Variants in LMNTD1 observed in about 807,000 individuals in gnomAD.
LMNTD1 encodes lamin tail domain containing 1.
A neutral mutation model predicts 50.9 loss-of-function variants in LMNTD1; 35 were observed. The ratio of observed to expected loss-of-function variants is 0.69; its 90% confidence interval spans 0.53 to 0.91. LMNTD1 has a LOEUF of 0.91. Among genes scored for constraint, LMNTD1 ranks in the 40% least tolerant of loss-of-function variants. The probability of loss-of-function intolerance (pLI) is 0.00; values close to 1 mark genes in which losing one functional copy is unlikely to be tolerated. For synonymous variants in LMNTD1, 153 were observed against 161.9 expected, an observed-to-expected ratio of 0.94 and a Z score of 0.42; for missense variants, 470 against 475.5, an observed-to-expected ratio of 0.99 and a Z score of 0.11.
chr12:25,506,508 T>C (rs2135960597), intron 8 of LMNTD1, among the ~76,000 whole-genome samples: 1 of 152,222 alleles, frequency 6.6e-6, no homozygotes, highest in Middle Eastern at 3.4e-3. Context: ...TCATTTAACT[T>C]GAATTACAGA....
At chr12:25,509,903 G>A (rs1940125541) in intron 8 of LMNTD1, among the ~76,000 whole-genome samples, 1 of 152,202 alleles carries the variant, frequency 6.6e-6, no homozygotes, top group South Asian at 2.1e-4. Context: ...TTCAAAGTGA[G>A]CATGGCCTTG....
At chr12:25,627,257 T>C (rs1263496087) in intron 1 of LMNTD1, among the ~76,000 whole-genome samples, 1 of 152,266 alleles carries the variant, frequency 6.6e-6, no homozygotes, top group African/African-American at 2.4e-5. Flanking sequence ...GATGAGCCTC[T>C]GAAAGGCATC....
At chr12:25,558,585 C>T (rs1392510505) in intron 1 of LMNTD1, among the ~76,000 whole-genome samples, 1 of 152,138 alleles carries the variant, frequency 6.6e-6, no homozygotes, top group Non-Finnish European at 1.5e-5. Flanking sequence ...TCTCATGCTG[C>T]TAACAAAGAC....
intron 1 of LMNTD1, among the ~76,000 whole-genome samples, chr12:25,594,614 A>C (rs1945792723): frequency 6.9e-6 from 1 of 144,998 alleles, no homozygotes; most frequent in African/African-American, 2.6e-5. Context: ...GCACATCTTT[A>C]AAGCATAAAT....
upstream of LMNTD1, among the ~76,000 whole-genome samples, chr12:25,556,564 C>A (rs1944051345): frequency 6.6e-6 from 1 of 152,176 alleles, no homozygotes; most frequent in Non-Finnish European, 1.5e-5. Flanking sequence ...GGTCTCAAAT[C>A]ATCTCAAATC....
chr12:25,608,064 A>G (rs1946154842), intron 1 of LMNTD1, among the ~76,000 whole-genome samples: 1 of 152,042 alleles, frequency 6.6e-6, no homozygotes, highest in Non-Finnish European at 1.5e-5. Flanking sequence ...CTTCTTGTTG[A>G]ATTGATCCCT....
chr12:25,576,739 T>C (rs1249911717), intron 1 of LMNTD1, among the ~76,000 whole-genome samples: 1 of 152,256 alleles, frequency 6.6e-6, no homozygotes, highest in African/African-American at 2.4e-5. Context: ...GCCATGCTTT[T>C]GGTGTTTTAG....
At chr12:25,479,063 G>A (rs893725801) in intron 9 of LMNTD1, among the ~76,000 whole-genome samples, 1 of 152,066 alleles carries the variant, frequency 6.6e-6, no homozygotes, top group Non-Finnish European at 1.5e-5. Flanking sequence ...CTCTGTTGTG[G>A]AGTAGTAAAC....
intron 3 of LMNTD1, chr12:25,547,253 A>C: frequency 1.3e-6 from 1 of 776,724 alleles, no homozygotes; most frequent in Non-Finnish European, 1.6e-6. Context: ...GATGAAGTGG[A>C]AAGAACAACG....
At chr12:25,626,217 G>C (rs925484238) in intron 1 of LMNTD1, among the ~76,000 whole-genome samples, 2 of 152,064 alleles carry the variant, frequency 1.3e-5, no homozygotes, top group African/African-American at 4.8e-5. Context: ...ATTTAATGAA[G>C]GAGGTTCCTG....
At chr12:25,521,970 C>T (rs1283247011) in intron 6 of LMNTD1, among the ~76,000 whole-genome samples, 1 of 152,140 alleles carries the variant, frequency 6.6e-6, no homozygotes, top group Non-Finnish European at 1.5e-5. Flanking sequence ...TTCTATTCAA[C>T]ATGAAAAACG....
intron 8 of LMNTD1, among the ~76,000 whole-genome samples, chr12:25,517,983 C>T (rs1331237311): frequency 6.6e-6 from 1 of 152,036 alleles, no homozygotes; most frequent in Non-Finnish European, 1.5e-5. Context: ...GTGGAAATTG[C>T]TACATCCTCC....
intron 1 of LMNTD1, among the ~76,000 whole-genome samples, chr12:25,591,856 A>ACT (rs1945709808): frequency 6.7e-6 from 1 of 149,478 alleles, no homozygotes; most frequent in African/African-American, 2.5e-5. Context: ...AGAGAGAGAG[A>ACT]GACTCTATTT....
intron 9 of LMNTD1, among the ~76,000 whole-genome samples, chr12:25,495,248 A>ATG (rs774259552): frequency 2.2e-5 from 1 of 46,346 alleles, no homozygotes; most frequent in South Asian, 8.0e-4. Context: ...TAAAGTGTGT[A>ATG]CGTGTGTGTG....
At position 25,546,382 on chromosome 12, in the gene LMNTD1, A is replaced by C; in HGVS notation, c.483T>G (p.Phe161Leu). 6.3e-7 allele frequency: 1 copy of C among 1,576,380 alleles called. No homozygotes were observed. Among genetic ancestry groups the C allele is most frequent in the Non-Finnish European group, 8.6e-7 (1 of 1,158,404 alleles). The change falls in exon 4 of 10, where the codon TTT becomes TTG. Residue 161 changes from phenylalanine to leucine, a missense_variant. Phe to Leu is a conservative substitution (Grantham distance 22). Transcript: ENST00000458174. ...FSMILEEVGQ[F>L]TSSSLGDVEI... ...TCAAATAAAATATGTACCTGGAGGT[A>C]AATTGGCCAACTTCTTCAAGAATCA...
intron 1 of LMNTD1, among the ~76,000 whole-genome samples, chr12:25,580,735 C>T (rs1316620139): frequency 6.6e-6 from 1 of 152,120 alleles, no homozygotes; most frequent in Non-Finnish European, 1.5e-5. Flanking sequence ...ATATAGTAAC[C>T]TCTAGTTTGG....
At chr12:25,623,688 C>T (rs139178098) in intron 1 of LMNTD1, among the ~76,000 whole-genome samples, 2 of 152,046 alleles carry the variant, frequency 1.3e-5, no homozygotes, top group African/African-American at 4.8e-5. Flanking sequence ...AAATGAAATG[C>T]CTCATTCTCC....
At chr12:25,642,591 T>C (rs1946978680) in intron 1 of LMNTD1, among the ~76,000 whole-genome samples, 1 of 152,256 alleles carries the variant, frequency 6.6e-6, no homozygotes, top group Non-Finnish European at 1.5e-5. Flanking sequence ...CTGTCTTTGG[T>C]CATCTCTGCT....
chr12:25,501,077 C>T (rs368409614), intron 9 of LMNTD1, among the ~76,000 whole-genome samples: 5 of 152,156 alleles, frequency 3.3e-5, no homozygotes, highest in African/African-American at 1.2e-4. Context: ...GCAGCCTCCA[C>T]CTTCCGGGTT....
Sources: gnomAD v4.1 joint callset for allele counts (sites outside exome capture counted in the v4.1 genomes callset) on GRCh38, gnomAD v4.1.1 for gene constraint, MANE v1.5 for transcripts, NCBI Gene and HGNC (gene_info 2026-07-23, HGNC 2026-07-21) for gene names.